The following CAST variants were observed in gnomAD, a reference collection of about 807,000 sequenced individuals.
CAST encodes the protein calpastatin.
In CAST, 76 loss-of-function variants were observed where a neutral mutation model predicts 119.6. The observed-to-expected ratio is 0.64, with a 90% CI of 0.53 to 0.77. The LOEUF is 0.77. Among genes scored for constraint, CAST ranks in the 30% least tolerant of loss-of-function variants. CAST has a pLI of 0.00. For missense variants in CAST, 953 were observed against 946.5 expected (o/e 1.01, Z -0.09); for synonymous variants, 319 against 331.6 (o/e 0.96, Z 0.41).
chr5:96,390,003 G>A, the CAST span, among the ~76,000 whole-genome samples: 1 of 152,164 alleles, frequency 6.6e-6, no homozygotes, highest in African/African-American at 2.4e-5. Flanking sequence ...TTCACACTTA[G>A]CTGCTTTACT....
chr5:96,078,479 C>T, the CAST span, among the ~76,000 whole-genome samples: 15 of 151,960 alleles, frequency 9.9e-5, no homozygotes, highest in South Asian at 8.3e-4. Context: ...CTGCAACCTC[C>T]GCCTCCCAGG....
At chr5:96,463,244 T>G in the CAST span, among the ~76,000 whole-genome samples, 1 of 152,118 alleles carries the variant, frequency 6.6e-6, no homozygotes. Context: ...AAACTCAGCT[T>G]CATTTCTCTC....
At chr5:96,104,531 G>A in the CAST span, among the ~76,000 whole-genome samples, 1 of 152,034 alleles carries the variant, frequency 6.6e-6, no homozygotes, top group Non-Finnish European at 1.5e-5. Context: ...GTTTGTCAAA[G>A]ATCAGATAGT....
At chr5:96,646,595 C>T (rs71630744) in intron 1 of CAST, among the ~76,000 whole-genome samples, 5,486 of 152,150 alleles carry the variant, frequency 0.036, 305 homozygotes, top group East Asian at 0.21. Flanking sequence ...ATATAAATTG[C>T]TCTATTGGCT....
At chr5:96,663,242 C>T (rs767480851) in intron 1 of CAST, 11 of 702,410 alleles carry the variant, frequency 1.6e-5, no homozygotes, top group Non-Finnish European at 2.3e-5. Context: ...CTTTGCCCTT[C>T]TGGGCGTGCG....
intron 1 of CAST, among the ~76,000 whole-genome samples, chr5:96,580,641 A>G (rs1407424715): frequency 6.6e-6 from 1 of 152,224 alleles, no homozygotes; most frequent in African/African-American, 2.4e-5. Flanking sequence ...ATGTTGGTCA[A>G]TGGATTACAT....
At chr5:96,661,360 GA>G (rs1748427174), upstream of CAST, among the ~76,000 whole-genome samples, 1 of 143,318 alleles carries the variant, frequency 7.0e-6, no homozygotes, top group Admixed American at 7.1e-5. Flanking sequence ...GGGAGGCGGA[GA>G]TTGCAGCGAG....
At chr5:96,580,577 T>G (rs1324124081) in intron 1 of CAST, among the ~76,000 whole-genome samples, 1 of 152,184 alleles carries the variant, frequency 6.6e-6, no homozygotes, top group Non-Finnish European at 1.5e-5. Flanking sequence ...ATTTAGCATA[T>G]CTGGAGTAGG....
At chr5:96,745,512 A>T (rs1227701441) in intron 16 of CAST, among the ~76,000 whole-genome samples, 2 of 152,326 alleles carry the variant, frequency 1.3e-5, no homozygotes, top group Admixed American at 6.5e-5. Flanking sequence ...TAAGATGCAG[A>T]TGGGGGCCGT....
chr5:96,549,555 A>T (rs1486951925), intron 1 of CAST, among the ~76,000 whole-genome samples: 1 of 152,210 alleles, frequency 6.6e-6, no homozygotes, highest in African/African-American at 2.4e-5. Flanking sequence ...CAGTGGGTGA[A>T]GCCCATGGTG....
chr5:96,515,532 C>T, the CAST span, among the ~76,000 whole-genome samples: 1 of 152,184 alleles, frequency 6.6e-6, no homozygotes, highest in South Asian at 2.1e-4. Flanking sequence ...GACGTCTTTT[C>T]TGTGAGAGGA....
At chr5:96,125,035 T>C in the CAST span, among the ~76,000 whole-genome samples, 54 of 152,178 alleles carry the variant, frequency 3.5e-4, no homozygotes, top group Non-Finnish European at 6.8e-4. Context: ...AACAAAATTT[T>C]ACCACTTGGT....
chr5:96,401,636 C>T, the CAST span, among the ~76,000 whole-genome samples: 1 of 152,218 alleles, frequency 6.6e-6, no homozygotes, highest in Non-Finnish European at 1.5e-5. Context: ...AATTTCCACT[C>T]TCCCACATGG....
intron 16 of CAST, among the ~76,000 whole-genome samples, chr5:96,744,333 T>A (rs1419981828): frequency 2.0e-5 from 3 of 152,154 alleles, no homozygotes; most frequent in Admixed American, 6.5e-5. Context: ...GGAGGCCTCA[T>A]AATTACGGTG....
At chr5:96,398,120 C>T in the CAST span, among the ~76,000 whole-genome samples, 5 of 152,268 alleles carry the variant, frequency 3.3e-5, no homozygotes, top group East Asian at 7.7e-4. Context: ...AAGCATTCCA[C>T]CAATATTTCA....
the CAST span, among the ~76,000 whole-genome samples, chr5:96,000,921 T>G: frequency 6.2e-4 from 94 of 152,336 alleles, no homozygotes; most frequent in African/African-American, 2.1e-3. Context: ...TTGATCATAC[T>G]TCAGATTATA....
chr5:96,052,769 A>G, the CAST span, among the ~76,000 whole-genome samples: 1 of 152,356 alleles, frequency 6.6e-6, no homozygotes, highest in East Asian at 1.9e-4. Context: ...TACTTTGGGA[A>G]CAAGTGTGAC....
chr5:96,161,875 A>T, the CAST span, among the ~76,000 whole-genome samples: 1 of 152,094 alleles, frequency 6.6e-6, no homozygotes, highest in Non-Finnish European at 1.5e-5. Context: ...TTTGGATGTT[A>T]TTGTAAATAG....
the CAST span, among the ~76,000 whole-genome samples, chr5:96,186,156 G>A: frequency 6.6e-6 from 1 of 152,084 alleles, no homozygotes; most frequent in African/African-American, 2.4e-5. Context: ...CTGCTTGTCT[G>A]TTGTTGGTGT....
Sources: allele counts gnomAD v4.1 joint callset (sites outside exome capture counted in the v4.1 genomes callset), GRCh38; gene constraint gnomAD v4.1.1; transcripts MANE v1.5; gene names NCBI Gene and HGNC (gene_info 2026-07-23, HGNC 2026-07-21).